PHF3: variants seen among roughly 807,000 people sequenced by gnomAD.
The protein encoded by PHF3 is PHD finger protein 3.
Under a neutral mutation model 178.4 loss-of-function variants are expected in PHF3, and 41 were observed. The ratio of observed to expected loss-of-function variants is 0.23; its 90% CI spans 0.18 to 0.30. The LOEUF (loss-of-function observed/expected upper bound fraction) is 0.30, where lower values mean the gene tolerates loss of function less well. Among genes scored for constraint, PHF3 ranks in the 10% least tolerant of loss-of-function variants. The pLI, the probability that PHF3 is intolerant of heterozygous loss-of-function variation, is 1.00. For missense variants in PHF3, 2,346 were observed against 2,398.1 expected (o/e 0.98, Z 0.45); for synonymous variants, 842 against 800.5 (o/e 1.05, Z -0.88).
At chr6:63,658,691 A>G (rs1362111962) in intron 2 of PHF3, among the ~76,000 whole-genome samples, 2 of 150,042 alleles carry the variant, frequency 1.3e-5, no homozygotes, top group Non-Finnish European at 3.0e-5. Context: ...TTTCCAGAGA[A>G]ACAGAACCAA....
Position 63,698,288 on chromosome 6 carries a change from G to A in PHF3, c.2746G>A (p.Ala916Thr). The A allele has an allele frequency of 6.2e-7, 1 of 1,612,918 alleles. No homozygotes were observed. Among genetic ancestry groups the A allele is most frequent in the Non-Finnish European group, 8.5e-7 (1 of 1,179,132 alleles). The change falls in exon 7 of 16, where the codon GCT becomes ACT. Residue 916 changes from alanine (A) to threonine (T), a missense_variant. Coordinates refer to ENST00000262043, the MANE Select transcript of PHF3 (RefSeq NM_001370348.2). Reference sequence around the variant, plus strand: ...AAAAGGAGTGCTTAATGTACATCCTGCTGCTTCTGCTTCCAAGCCTTCTGC... The same window carrying A: ...AAAAGGAGTGCTTAATGTACATCCTACTGCTTCTGCTTCCAAGCCTTCTGC... ...VEKGVLNVHP[A>T]ASASKPSADQ... is the part of the protein sequence containing the mutation.
At position 63,713,701 on chromosome 6, in the gene PHF3, A is replaced by C; in HGVS notation, c.6113A>C (p.Lys2038Thr). Residue 2038 changes from lysine to threonine, a missense_variant, in exon 16 of 16, where the codon AAA becomes ACA. Around this residue, in one of 8 missense-constraint regions of PHF3, gnomAD observed 839 missense variants for 806.9 expected, o/e 1.04. Coordinates refer to ENST00000262043, the MANE Select transcript of PHF3 (RefSeq NM_001370348.2). ...DRDHTDRTKS[K>T]R ...GACCACACTGACAGAACTAAAAGCAAAAGGTAAAATTTGCAGGCTGCTTCA... is the reference window on the plus strand; with the variant it reads ...GACCACACTGACAGAACTAAAAGCACAAGGTAAAATTTGCAGGCTGCTTCA... 1 of 1,555,278 alleles carries C rather than the reference A, an allele frequency of 6.4e-7. No individual in the cohort carries two copies. Among genetic ancestry groups the C allele is most frequent in the Non-Finnish European group, 8.6e-7 (1 of 1,158,408 alleles).
At chr6:63,678,232 GAAAAA>G (rs1036615679) in intron 2 of PHF3, among the ~76,000 whole-genome samples, 8 of 143,432 alleles carry the variant, frequency 5.6e-5, no homozygotes, top group African/African-American at 7.8e-5. Context: ...AAAAAAAAAA[GAAAAA>G]AAAACAAAAA....
At chr6:63,672,280 C>A (rs1441558203) in intron 2 of PHF3, among the ~76,000 whole-genome samples, 3 of 152,090 alleles carry the variant, frequency 2.0e-5, no homozygotes. Flanking sequence ...AATTAGGAAG[C>A]AATCCATAAA....
intron 11 of PHF3, among the ~76,000 whole-genome samples, chr6:63,704,282 C>G (rs984535570): frequency 2.4e-4 from 36 of 152,042 alleles, no homozygotes; most frequent in African/African-American, 7.2e-4. Context: ...GGCGTTCACT[C>G]TTAGAGTTGT....
chr6:63,688,715 C>T (rs963686938), intron 4 of PHF3, among the ~76,000 whole-genome samples: 9 of 152,116 alleles, frequency 5.9e-5, no homozygotes, highest in Non-Finnish European at 8.8e-5. Context: ...GTATACATTT[C>T]GTTTACTCAG....
chr6:63,671,244 G>C (rs1419920810), intron 2 of PHF3, among the ~76,000 whole-genome samples: 1 of 152,108 alleles, frequency 6.6e-6, no homozygotes, highest in Non-Finnish European at 1.5e-5. Flanking sequence ...GTACTGTACT[G>C]TTTGTTTAAC....
In PHF3 at chr6:63,718,981, A is replaced by C. The variant is rs1183953524; in HGVS notation, c.*5273A>C. ...ATGGAGCAATACCAGTTTAGGTCAC[A>C]GTTTTTCAGCAAAATTTGATGGAGT... On this transcript the variant is annotated 3_prime_UTR_variant, in exon 16 of 16. Transcript: ENST00000262043. Among the ~76,000 whole-genome samples the C allele has an allele frequency of 6.6e-6, 1 of 152,064 alleles. No homozygotes were observed. The highest frequency in any genetic ancestry group is 1.9e-4 in the East Asian group (1 of 5,186).
At position 63,712,473 on chromosome 6, in the gene PHF3, G is replaced by A; in HGVS notation, c.4885G>A (p.Val1629Met). 6 of 1,613,956 alleles carry A rather than the reference G, an allele frequency of 3.7e-6. No individual in the cohort carries two copies. The highest frequency in any genetic ancestry group is 5.1e-6 in the Non-Finnish European group (6 of 1,179,930). ...NVGKGNIDGNVSCSENLVANT... is the reference protein window; with the variant it reads ...NVGKGNIDGNMSCSENLVANT... ...AGGAAAAGGAAACATAGATGGTAAT[G>A]TGAGCTGTAGTGAAAACCTTGTTGC... The change falls in exon 16 of 16, where the codon GTG becomes ATG. Residue 1629 changes from valine (V) to methionine (M), a missense_variant. By Grantham distance (21) the Val-to-Met change is conservative. Around this residue, in one of 8 missense-constraint regions of PHF3, gnomAD observed 839 missense variants for 806.9 expected, o/e 1.04. Transcript: ENST00000262043.
In PHF3 at chr6:63,718,239, TC is replaced by T. The variant is rs1342330416; in HGVS notation, c.*4533del. On this transcript the variant is annotated 3_prime_UTR_variant, in exon 16 of 16. Coordinates refer to ENST00000262043, the MANE Select transcript of PHF3 (RefSeq NM_001370348.2). ...TCAATGATGAGCAAAATGGGAAAGT[TC>T]CAATTTTGTGGAGATTACAGGTAGA... Among the ~76,000 whole-genome samples the T allele has an allele frequency of 6.6e-6, 1 of 152,036 alleles. No individual in the cohort carries two copies. The highest frequency in any genetic ancestry group is 1.5e-5 in the Non-Finnish European group (1 of 67,942).
chr6:63,669,749 G>C (rs1057004257), intron 2 of PHF3, among the ~76,000 whole-genome samples: 1 of 152,162 alleles, frequency 6.6e-6, no homozygotes, highest in African/African-American at 2.4e-5. Flanking sequence ...CTGTTCATAA[G>C]AGGCCAGAGA....
At chr6:63,698,675 A>G (rs1485272208) in intron 8 of PHF3, 70 bp downstream of exon 8, 2 of 1,041,510 alleles carry the variant, frequency 1.9e-6, no homozygotes, top group Non-Finnish European at 2.7e-6. Context: ...AGATTGTAAT[A>G]CAGTAGATCT....
intron 3 of PHF3, among the ~76,000 whole-genome samples, 162 bp from the exon 4 acceptor site, chr6:63,683,967 T>A (rs1766552129): frequency 6.6e-6 from 1 of 152,152 alleles, no homozygotes; most frequent in Non-Finnish European, 1.5e-5. Context: ...ATTATATATA[T>A]GTGTATATAT....
chr6:63,674,688 A>G (rs2149572573), intron 2 of PHF3, among the ~76,000 whole-genome samples: 1 of 152,196 alleles, frequency 6.6e-6, no homozygotes, highest in Admixed American at 6.5e-5. Flanking sequence ...ACTATACTTA[A>G]CACAGCCCCT....
chr6:63,683,554 C>T (rs1289381219), intron 3 of PHF3, among the ~76,000 whole-genome samples: 2 of 151,914 alleles, frequency 1.3e-5, no homozygotes, highest in Admixed American at 1.3e-4. Flanking sequence ...GTGTTGATAT[C>T]ATTTCTTAGG....
intron 8 of PHF3, 101 bp downstream of exon 8, chr6:63,698,706 A>G: frequency 2.4e-6 from 2 of 843,114 alleles, no homozygotes. Context: ...AATTGGAGTG[A>G]GATTATAATT....
chr6:63,659,012 T>C (rs1332259178), intron 2 of PHF3, among the ~76,000 whole-genome samples: 1 of 152,152 alleles, frequency 6.6e-6, no homozygotes, highest in Non-Finnish European at 1.5e-5. Context: ...TGGAGAGTAA[T>C]CTTTTTTACT....
rs1764315181 is a variant in PHF3 at position 63,636,055 on chromosome 6, G to T, written c.-121G>T. 2 of 394,218 alleles carry T rather than the reference G, an allele frequency of 5.1e-6. No homozygotes were observed. Among genetic ancestry groups the T allele is most frequent in the Non-Finnish European group, 8.9e-6 (2 of 223,548 alleles). The allele number at this position is 394,218 out of a possible 1,614,324, so 24.4% of individuals were successfully genotyped here. A position where few individuals can be genotyped will look rare whatever the true frequency, so the allele number is the denominator to read the frequency against. On this transcript the variant is annotated 5_prime_UTR_variant, in exon 1 of 16. Coordinates refer to ENST00000262043, the MANE Select transcript of PHF3 (RefSeq NM_001370348.2). Reference sequence around the variant, plus strand: ...CGTCCTGCGCGTACCCCCTCTCCGCGGCACCCACCGGGCCCCCTCCTCCTC... The same window carrying T: ...CGTCCTGCGCGTACCCCCTCTCCGCTGCACCCACCGGGCCCCCTCCTCCTC...
chr6:63,700,606 A>T (rs1582104621), intron 9 of PHF3, 140 bp downstream of exon 9: 11 of 524,218 alleles, frequency 2.1e-5, no homozygotes. Context: ...TTTTTTTGAG[A>T]TGGCGTCTAG....
Sources: gnomAD v4.1 joint callset for allele counts (sites outside exome capture counted in the v4.1 genomes callset) on GRCh38, gnomAD v4.1.1 for gene constraint, gnomAD v4.1.1 regional missense constraint, MANE v1.5 for transcripts, NCBI Gene and HGNC (gene_info 2026-07-23, HGNC 2026-07-21) for gene names.